PRKG1: variants seen among roughly 807,000 people sequenced by gnomAD.
PRKG1 encodes the protein protein kinase cGMP-dependent 1, also known as cGMP-dependent protein kinase 1.
PRKG1 carries 35 observed loss-of-function variants against 88.1 expected under a neutral mutation model. The ratio of observed to expected loss-of-function variants is 0.40; its 90% CI spans 0.30 to 0.53. The LOEUF is 0.53. PRKG1 is among the 20% of genes least tolerant of loss of function. PRKG1 has a pLI of 0.59. For synonymous variants in PRKG1, 303 were observed against 292.5 expected (o/e 1.04, Z -0.37); for missense variants, 540 against 839.8 (o/e 0.64, Z 4.41).
intron 5 of PRKG1, among the ~76,000 whole-genome samples, chr10:52,006,453 G>T (rs887667268): frequency 1.3e-5 from 2 of 151,716 alleles, no homozygotes; most frequent in Non-Finnish European, 2.9e-5. Context: ...TAATCTGATA[G>T]AGCTGAAAAA....
intron 2 of PRKG1, among the ~76,000 whole-genome samples, chr10:51,170,573 A>G (rs1216660220): frequency 6.6e-6 from 1 of 151,916 alleles, no homozygotes; most frequent in African/African-American, 2.4e-5. Flanking sequence ...TGCTCAGGGA[A>G]GGCCTCTGTA....
intron 3 of PRKG1, chr10:51,698,181 C>A: frequency 6.2e-7 from 1 of 1,614,138 alleles, no homozygotes; most frequent in Non-Finnish European, 8.5e-7. Flanking sequence ...ATCTCCAATC[C>A]TCTTGCATCC....
At chr10:51,659,322 G>C (rs1286816938) in intron 3 of PRKG1, among the ~76,000 whole-genome samples, 1 of 152,058 alleles carries the variant, frequency 6.6e-6, no homozygotes, top group Admixed American at 6.6e-5. Context: ...TAATCATTGT[G>C]ATCTGGAACA....
At chr10:52,121,214 C>A (rs1187589997) in intron 7 of PRKG1, among the ~76,000 whole-genome samples, 1 of 152,152 alleles carries the variant, frequency 6.6e-6, no homozygotes, top group African/African-American at 2.4e-5. Flanking sequence ...TCTCTGGAAA[C>A]CTTGCCTTCA....
chr10:51,201,947 T>C (rs1464603135), intron 2 of PRKG1, among the ~76,000 whole-genome samples: 1 of 152,254 alleles, frequency 6.6e-6, no homozygotes, highest in African/African-American at 2.4e-5. Context: ...AATATACTAA[T>C]GTACTTCAAA....
chr10:51,074,827 C>A lies in PRKG1; in HGVS notation c.237C>A (p.Ile79=). Reference sequence around the variant, plus strand: ...AGCCGCGCACCAAGCGGCAGGCGATCTCCGCCGAGCCCACCGCCTTCGACA... The same window carrying A: ...AGCCGCGCACCAAGCGGCAGGCGATATCCGCCGAGCCCACCGCCTTCGACA... ...QGEPRTKRQA[I]SAEPTAFDIQ... is the part of the protein sequence containing the mutation. Residue 79 remains isoleucine (I), a synonymous_variant, in exon 1 of 18, where the codon ATC becomes ATA. Transcript: ENST00000373980. 1.2e-6 allele frequency: 2 copies of A among 1,613,512 alleles called. No homozygotes were observed. The highest frequency in any genetic ancestry group is 1.7e-6 in the Non-Finnish European group (2 of 1,179,784).
At chr10:52,154,010 G>T (rs1444373639) in intron 8 of PRKG1, among the ~76,000 whole-genome samples, 1 of 152,120 alleles carries the variant, frequency 6.6e-6, no homozygotes, top group Non-Finnish European at 1.5e-5. Flanking sequence ...CTCCCAAAGT[G>T]CTGGGATTGC....
At chr10:52,004,095 T>C (rs1844668660) in intron 5 of PRKG1, among the ~76,000 whole-genome samples, 1 of 152,240 alleles carries the variant, frequency 6.6e-6, no homozygotes, top group South Asian at 2.1e-4. Flanking sequence ...TAATTATCTC[T>C]ACTTTTGTCA....
chr10:51,846,384 T>C (rs529301093), intron 4 of PRKG1, among the ~76,000 whole-genome samples: 16 of 152,280 alleles, frequency 1.1e-4, no homozygotes, highest in African/African-American at 3.8e-4. Flanking sequence ...ATGATATAAA[T>C]TGATGTTAAC....
At chr10:51,956,295 CA>C (rs369056629) in intron 5 of PRKG1, among the ~76,000 whole-genome samples, 25 of 151,992 alleles carry the variant, frequency 1.6e-4, no homozygotes, top group African/African-American at 5.8e-4. Flanking sequence ...TTATTGGACA[CA>C]AGTTTCCACA....
At chr10:51,049,492 T>C (rs892309983) in intron 1 of PRKG1, among the ~76,000 whole-genome samples, 1 of 152,240 alleles carries the variant, frequency 6.6e-6, no homozygotes, top group East Asian at 1.9e-4. Flanking sequence ...CCCCTGCTTT[T>C]CTGAGAACAA....
intron 9 of PRKG1, among the ~76,000 whole-genome samples, chr10:52,164,672 A>G (rs1359317877): frequency 6.6e-6 from 1 of 152,208 alleles, no homozygotes; most frequent in Non-Finnish European, 1.5e-5. Flanking sequence ...ACTTACATCA[A>G]AGTAGTTTCA....
At chr10:51,793,912 C>A (rs1838938859) in intron 3 of PRKG1, among the ~76,000 whole-genome samples, 1 of 152,052 alleles carries the variant, frequency 6.6e-6, no homozygotes, top group Non-Finnish European at 1.5e-5. Flanking sequence ...CAGGCATAAG[C>A]CAACACATCC....
At chr10:51,399,382 C>T (rs1031464101) in intron 2 of PRKG1, among the ~76,000 whole-genome samples, 3 of 152,006 alleles carry the variant, frequency 2.0e-5, no homozygotes, top group Non-Finnish European at 4.4e-5. Context: ...GGGAAATTCA[C>T]TGCAGTCTAA....
At chr10:51,812,032 A>G (rs972702737) in intron 4 of PRKG1, among the ~76,000 whole-genome samples, 5 of 152,226 alleles carry the variant, frequency 3.3e-5, no homozygotes, top group African/African-American at 4.8e-5. Context: ...TGGTTTCACC[A>G]TTTATAGGTA....
rs546388899 is a variant in PRKG1 at position 51,450,138 on chromosome 10, G to C, written c.479-17585G>C. On this transcript the variant is annotated intron_variant, in intron 2 of 17. Coordinates refer to ENST00000373980, the MANE Select transcript of PRKG1 (RefSeq NM_006258.4). ...AATTAATTTATTGCTGCTCAAGACT[G>C]TGTAGAACTCCACATCCTTTTATAT... Among the ~76,000 whole-genome samples the C allele has an allele frequency of 1.4e-4, 21 of 152,066 alleles. No individual in the cohort carries two copies. In the South Asian group the frequency reaches 3.9e-3, roughly 29 times the overall value.
chr10:52,119,543 A>T (rs1387724396), intron 7 of PRKG1, among the ~76,000 whole-genome samples: 1 of 152,186 alleles, frequency 6.6e-6, no homozygotes, highest in Non-Finnish European at 1.5e-5. Context: ...TTATCAATCC[A>T]GTCATTCCAG....
intron 2 of PRKG1, among the ~76,000 whole-genome samples, chr10:51,191,888 G>A (rs973977747): frequency 3.3e-5 from 5 of 151,644 alleles, no homozygotes; most frequent in African/African-American, 1.2e-4. Context: ...TAGAATTTTG[G>A]ATCTACTTTA....
chr10:51,964,078 C>G (rs1328805706), intron 5 of PRKG1, among the ~76,000 whole-genome samples: 4 of 152,154 alleles, frequency 2.6e-5, no homozygotes, highest in Non-Finnish European at 5.9e-5. Flanking sequence ...GCACCCTGCA[C>G]TCATTGGCTT....
Sources: allele counts gnomAD v4.1 joint callset (sites outside exome capture counted in the v4.1 genomes callset), GRCh38; gene constraint gnomAD v4.1.1; transcripts MANE v1.5; gene names NCBI Gene and HGNC (gene_info 2026-07-23, HGNC 2026-07-21).